The following LMBR1 variants were observed in gnomAD, a reference collection of about 807,000 sequenced individuals.
LMBR1 encodes the protein limb region 1 protein homolog.
LMBR1 carries 52 observed loss-of-function variants against 73.9 expected under a neutral mutation model. The ratio of observed to expected loss-of-function variants is 0.70; its 90% CI spans 0.56 to 0.89. The LOEUF (loss-of-function observed/expected upper bound fraction) is 0.89, where lower values mean the gene tolerates loss of function less well. Ranked by LOEUF, LMBR1 falls within the 40% of genes least tolerant of loss-of-function variation. The pLI is 0.00. For missense variants in LMBR1, 539 were observed against 579.8 expected, an observed-to-expected ratio of 0.93 and a Z score of 0.72; for synonymous variants, 215 against 209.4, an observed-to-expected ratio of 1.03 and a Z score of -0.23.
At chr7:156,774,049 CAA>C (rs1825693498) in intron 5 of LMBR1, among the ~76,000 whole-genome samples, 1 of 151,554 alleles carries the variant, frequency 6.6e-6, no homozygotes, top group East Asian at 1.9e-4. Context: ...AAAAAGTGGG[CAA>C]AGAATAGGAA....
chr7:156,784,048 A>C (rs1827656192), intron 5 of LMBR1, among the ~76,000 whole-genome samples: 1 of 151,202 alleles, frequency 6.6e-6, no homozygotes, highest in Non-Finnish European at 1.5e-5. Context: ...TGCTTCTAAA[A>C]GTGGTAACCA....
At chr7:156,889,072 A>G (rs928279764) in intron 1 of LMBR1, among the ~76,000 whole-genome samples, 2 of 152,172 alleles carry the variant, frequency 1.3e-5, no homozygotes, top group Admixed American at 6.5e-5. Flanking sequence ...AAAAGAAAGA[A>G]AAAGAAATTT....
At chr7:156,811,752 T>C (rs1833134851) in intron 4 of LMBR1, among the ~76,000 whole-genome samples, 1 of 152,222 alleles carries the variant, frequency 6.6e-6, no homozygotes, top group African/African-American at 2.4e-5. Flanking sequence ...ACTGGTTTTC[T>C]GGAACTGAGG....
At chr7:156,740,511 A>C (rs1051287741) in intron 9 of LMBR1, among the ~76,000 whole-genome samples, 6 of 152,212 alleles carry the variant, frequency 3.9e-5, no homozygotes, top group Non-Finnish European at 7.3e-5. Context: ...AAAAGAAACA[A>C]GTAACATCCA....
intron 4 of LMBR1, among the ~76,000 whole-genome samples, chr7:156,825,627 C>A (rs1005253011): frequency 1.7e-4 from 26 of 152,090 alleles, no homozygotes; most frequent in Non-Finnish European, 3.1e-4. Context: ...CTATGAGAGA[C>A]AAGAGTTCAG....
chr7:156,842,226 T>C (rs1284088143), intron 1 of LMBR1, among the ~76,000 whole-genome samples: 1 of 149,850 alleles, frequency 6.7e-6, no homozygotes, highest in East Asian at 2.0e-4. Context: ...TGAGGAGTAA[T>C]TATTTAATTA....
rs2132387089 is a variant in LMBR1, at chr7:156,725,427, T to C, written c.1158+8A>G. On this transcript the variant is annotated splice_region_variant and intron_variant, in intron 14 of 16. Coordinates refer to ENST00000353442, the MANE Select transcript of LMBR1 (RefSeq NM_022458.4). ...GAGAGGCCACAGTCACCTAAGATTC[T>C]ACCTTACCTTTGTCATAGTTGTGTC... 1.9e-6 allele frequency: 3 copies of C among 1,568,798 alleles called. No homozygotes were observed. The highest frequency in any genetic ancestry group is 2.3e-5 in the South Asian group (2 of 87,440).
At chr7:156,736,615 A>G (rs1374089021) in intron 9 of LMBR1, 1 of 456,918 alleles carries the variant, frequency 2.2e-6, no homozygotes, top group East Asian at 7.0e-5. Flanking sequence ...AAGCATTCCC[A>G]CTGTGGCAGG....
At chr7:156,797,360 G>A (rs73166150) in intron 4 of LMBR1, among the ~76,000 whole-genome samples, 16,092 of 152,164 alleles carry the variant, frequency 0.11, 1,142 homozygotes, top group East Asian at 0.29. Flanking sequence ...TCAAAATGAT[G>A]GTGATAATCA....
intron 9 of LMBR1, among the ~76,000 whole-genome samples, chr7:156,742,779 T>C (rs1486527693): frequency 1.3e-5 from 2 of 152,086 alleles, no homozygotes; most frequent in African/African-American, 4.8e-5. Flanking sequence ...AGTAATACCC[T>C]GATACCAAGA....
intron 15 of LMBR1, among the ~76,000 whole-genome samples, chr7:156,713,787 T>C (rs1000935064): frequency 6.6e-6 from 1 of 152,204 alleles, no homozygotes; most frequent in Non-Finnish European, 1.5e-5. Flanking sequence ...TCAATAAAGC[T>C]GTTAAAATGC....
chr7:156,809,394 C>G lies in LMBR1; in HGVS notation c.320-12902G>C, dbSNP rs567494333. On this transcript the variant is annotated intron_variant, in intron 4 of 16. Transcript: ENST00000353442. The stretch of plus-strand genomic sequence containing the variant: ...GTCTGTAGGGGATTGGTTCCAAGAC[C>G]TCCCATAGATACTAAAATCCACAGA... 2.6e-5 allele frequency among the ~76,000 whole-genome samples: 4 copies of G among 152,220 alleles called. No homozygotes were observed. The South Asian group carries it at 6.2e-4, about 24-fold the overall frequency.
At chr7:156,856,031 T>C (rs1005519697) in intron 1 of LMBR1, among the ~76,000 whole-genome samples, 5 of 152,006 alleles carry the variant, frequency 3.3e-5, no homozygotes, top group Non-Finnish European at 7.4e-5. Flanking sequence ...CTGTCTCTAC[T>C]AAAAATACAA....
At position 156,684,024 on chromosome 7, in the gene LMBR1, C is replaced by T. The variant is rs1036225536; in HGVS notation, c.*54G>A. The T allele has an allele frequency of 7.9e-6, 11 of 1,393,454 alleles. No homozygotes were observed. The highest frequency in any genetic ancestry group is 2.8e-5 in the African/African-American group (2 of 70,176). 86.3% of individuals were successfully genotyped at this position (1,393,454 alleles called of 1,614,324 possible). ...ATGCTTCTACATGGGACAGGAATGTCGTGAATCTGGAGTTCTCGGGTCTCT... is the reference window on the plus strand; with the variant it reads ...ATGCTTCTACATGGGACAGGAATGTTGTGAATCTGGAGTTCTCGGGTCTCT... On this transcript the variant is annotated 3_prime_UTR_variant, in exon 17 of 17. Transcript: ENST00000353442.
chr7:156,674,835 C>G (rs889106078), downstream of LMBR1, among the ~76,000 whole-genome samples: 1 of 152,164 alleles, frequency 6.6e-6, no homozygotes. Flanking sequence ...AAATTACATA[C>G]GTAGCTCACA....
chr7:156,693,979 G>GAA (rs1807761590), intron 15 of LMBR1, among the ~76,000 whole-genome samples: 1 of 152,210 alleles, frequency 6.6e-6, no homozygotes, highest in African/African-American at 2.4e-5. Flanking sequence ...TTGCTGGGAT[G>GAA]CAAGTATGGT....
chr7:156,718,927 G>A (rs189045219), intron 15 of LMBR1, among the ~76,000 whole-genome samples: 161 of 151,692 alleles, frequency 1.1e-3, no homozygotes, highest in African/African-American at 3.7e-3. Context: ...ACCTGAAACT[G>A]TAAAACTACT....
chr7:156,742,757 T>G (rs1204193447), intron 9 of LMBR1, among the ~76,000 whole-genome samples: 1 of 152,142 alleles, frequency 6.6e-6, no homozygotes, highest in Non-Finnish European at 1.5e-5. Context: ...TCCAAACTCT[T>G]GTTAAGGGGC....
At position 156,681,835 on chromosome 7, in the gene LMBR1, T is replaced by A. The variant is rs540488086; in HGVS notation, c.*2243A>T. 1.6e-4 allele frequency: 24 copies of A among 152,408 alleles called. No individual in the cohort carries two copies. The highest frequency in any genetic ancestry group is 5.3e-4 in the African/African-American group (22 of 41,588). The allele number at this position is 152,408 out of a possible 1,614,324, so 9.4% of individuals were successfully genotyped here. A position where few individuals can be genotyped will look rare whatever the true frequency, so the allele number is the denominator to read the frequency against. ...CCAGAGCGACTGTCCTTACCAGGAC[T>A]CAGAACGTTTGGCCTCCGTATTCTG... On this transcript the variant is annotated 3_prime_UTR_variant, in exon 17 of 17. Coordinates refer to ENST00000353442, the MANE Select transcript of LMBR1 (RefSeq NM_022458.4).
Sources: allele counts gnomAD v4.1 joint callset (sites outside exome capture counted in the v4.1 genomes callset), GRCh38; gene constraint gnomAD v4.1.1; transcripts MANE v1.5; gene names NCBI Gene and HGNC (gene_info 2026-07-23, HGNC 2026-07-21).